Variants in XKR4 observed in about 807,000 individuals in gnomAD.
The protein encoded by XKR4 is XK-related protein 4.
Under a neutral mutation model 53.9 loss-of-function variants are expected in XKR4, and 12 were observed. That is an observed-to-expected ratio of 0.22 (90% confidence interval 0.14 to 0.36). XKR4 has a LOEUF of 0.36. XKR4 is among the 10% of genes least tolerant of loss of function. XKR4 has a pLI of 1.00. For missense variants in XKR4, 799 were observed against 859.5 expected, an observed-to-expected ratio of 0.93 and a Z score of 0.88; for synonymous variants, 354 against 362.4, an observed-to-expected ratio of 0.98 and a Z score of 0.26.
intron 2 of XKR4, among the ~76,000 whole-genome samples, chr8:55,399,514 C>T (rs995092066): frequency 2.0e-5 from 3 of 152,196 alleles, no homozygotes; most frequent in Non-Finnish European, 4.4e-5. Flanking sequence ...TGCTGTTTCT[C>T]TCTGTCATTT....
At chr8:55,513,066 T>C (rs1212479975) in intron 2 of XKR4, among the ~76,000 whole-genome samples, 1 of 152,158 alleles carries the variant, frequency 6.6e-6, no homozygotes, top group Admixed American at 6.5e-5. Flanking sequence ...TTAGTTTCAT[T>C]CACCCTGGTC....
At chr8:55,282,668 G>A (rs1818858760) in intron 1 of XKR4, among the ~76,000 whole-genome samples, 1 of 152,116 alleles carries the variant, frequency 6.6e-6, no homozygotes, top group Admixed American at 6.5e-5. Context: ...CCTCCCACTT[G>A]TCCTACCTCC....
intron 1 of XKR4, among the ~76,000 whole-genome samples, chr8:55,153,440 T>C (rs1429258292): frequency 6.6e-6 from 1 of 152,160 alleles, no homozygotes; most frequent in Non-Finnish European, 1.5e-5. Flanking sequence ...GAAGAACATA[T>C]ACACCAACAT....
intron 2 of XKR4, 64 bp downstream of exon 2, chr8:55,357,941 C>G (rs1803843658): frequency 4.1e-5 from 62 of 1,514,144 alleles, no homozygotes; most frequent in Non-Finnish European, 5.6e-5. Context: ...TTGTCACAAT[C>G]CGAGGAACTG....
chr8:55,185,061 A>T (rs2129360275), intron 1 of XKR4, among the ~76,000 whole-genome samples: 1 of 152,372 alleles, frequency 6.6e-6, no homozygotes, highest in South Asian at 2.1e-4. Flanking sequence ...GCACACAGCC[A>T]AACAATAGTT....
chr8:55,415,472 C>T (rs753407952), intron 2 of XKR4, among the ~76,000 whole-genome samples: 4 of 152,164 alleles, frequency 2.6e-5, no homozygotes. Context: ...GATCCTTAGA[C>T]CTCACCTCAC....
At chr8:55,151,128 G>C (rs1323103597) in intron 1 of XKR4, among the ~76,000 whole-genome samples, 1 of 152,120 alleles carries the variant, frequency 6.6e-6, no homozygotes, top group East Asian at 1.9e-4. Context: ...CAAGCTATAG[G>C]TAATACACAC....
At chr8:55,293,675 C>T (rs865890131) in intron 1 of XKR4, among the ~76,000 whole-genome samples, 11 of 151,810 alleles carry the variant, frequency 7.2e-5, no homozygotes, top group African/African-American at 2.4e-4. Flanking sequence ...AAAGCTTTAC[C>T]CATTTTTAAG....
intron 1 of XKR4, among the ~76,000 whole-genome samples, chr8:55,103,861 A>ATG (rs1563457023): frequency 2.6e-5 from 3 of 114,676 alleles, no homozygotes; most frequent in South Asian, 2.6e-4. Flanking sequence ...GTATATATAT[A>ATG]TATATATATA....
chr8:55,521,986 A>T (rs1806804272), intron 2 of XKR4, among the ~76,000 whole-genome samples: 1 of 152,228 alleles, frequency 6.6e-6, no homozygotes, highest in Admixed American at 6.5e-5. Context: ...TTTAAAATAG[A>T]TGAGACCATT....
chr8:55,346,534 T>C (rs1045553147), intron 1 of XKR4, among the ~76,000 whole-genome samples: 2 of 152,232 alleles, frequency 1.3e-5, no homozygotes, highest in Admixed American at 6.5e-5. Flanking sequence ...GTTACTATTA[T>C]TCACCACAGA....
At chr8:55,325,358 G>A (rs148072684) in intron 1 of XKR4, among the ~76,000 whole-genome samples, 10 of 152,190 alleles carry the variant, frequency 6.6e-5, no homozygotes, top group African/African-American at 2.2e-4. Flanking sequence ...TTGAATGGGC[G>A]TCAGGGCTTT....
At chr8:55,394,376 A>G (rs1804486383) in intron 2 of XKR4, among the ~76,000 whole-genome samples, 1 of 152,198 alleles carries the variant, frequency 6.6e-6, no homozygotes, top group South Asian at 2.1e-4. Context: ...GCCAAAGAAG[A>G]ACAAGTTACA....
At chr8:55,358,103 G>GA (rs576598436) in intron 2 of XKR4, among the ~76,000 whole-genome samples, 326 of 149,934 alleles carry the variant, frequency 2.2e-3, no homozygotes, top group African/African-American at 6.5e-3. Flanking sequence ...CTCTTAGTAG[G>GA]AAAAAAAAAA....
chr8:55,293,632 A>C (rs561800649), intron 1 of XKR4, among the ~76,000 whole-genome samples: 1 of 152,154 alleles, frequency 6.6e-6, no homozygotes, highest in South Asian at 2.1e-4. Context: ...AATTTTAGTA[A>C]AATTGCAGAT....
chr8:55,366,975 C>G lies in XKR4; in HGVS notation c.1006+9098C>G, dbSNP rs554252420. Reference sequence around the variant, plus strand: ...TTGAAAAATTCATCTTATCCTCTGTCTCCTCTTCCTCACTTCCTATCCTCT... The same window carrying G: ...TTGAAAAATTCATCTTATCCTCTGTGTCCTCTTCCTCACTTCCTATCCTCT... On this transcript the variant is annotated intron_variant, in intron 2 of 2. Coordinates refer to ENST00000327381, the MANE Select transcript of XKR4 (RefSeq NM_052898.2). Among the ~76,000 whole-genome samples the G allele has an allele frequency of 1.8e-4, 27 of 152,298 alleles. No homozygotes were observed. In the South Asian group the frequency reaches 4.8e-3, roughly 27 times the overall value.
intron 1 of XKR4, among the ~76,000 whole-genome samples, chr8:55,247,855 C>CTTTCTTTCTTTCTTTCT (rs369983175): frequency 1.0e-3 from 60 of 59,876 alleles, no homozygotes; most frequent in African/African-American, 1.4e-3. Context: ...TTCTTTCTTT[C>CTTTCTTTCTTTCTTTCT]TTTTTTTTTT....
intron 2 of XKR4, among the ~76,000 whole-genome samples, chr8:55,449,350 C>A (rs1395049635): frequency 3.3e-5 from 5 of 152,044 alleles, no homozygotes; most frequent in African/African-American, 1.2e-4. Flanking sequence ...CCGGGCGGTG[C>A]GGGGCAGGGA....
rs1805523593 is a variant in XKR4 at position 55,454,465 on chromosome 8, G to A, written c.1007-68816G>A. ...AGCTCCGGGACAGGAAGAGAACCTC[G>A]TGCTCCATGAGGGTGGCACAGACCA... On this transcript the variant is annotated intron_variant, in intron 2 of 2. Transcript: ENST00000327381. 2.5e-6 allele frequency: 3 copies of A among 1,176,698 alleles called. No homozygotes were observed. In the South Asian group the frequency reaches 3.9e-5, roughly 15 times the overall value. 72.9% of individuals were successfully genotyped at this position (1,176,698 alleles called of 1,614,324 possible).
Sources: allele counts gnomAD v4.1 joint callset (sites outside exome capture counted in the v4.1 genomes callset), GRCh38; gene constraint gnomAD v4.1.1; transcripts MANE v1.5; gene names NCBI Gene and HGNC (gene_info 2026-07-23, HGNC 2026-07-21).